Variants in LRRC4C observed in about 807,000 individuals in gnomAD.
LRRC4C encodes leucine rich repeat containing 4C.
Under a neutral mutation model 33.6 loss-of-function variants are expected in LRRC4C, and 5 were observed. That is an observed-to-expected ratio of 0.15 (90% CI 0.08 to 0.31). The LOEUF is 0.31. Ranked by LOEUF, LRRC4C falls within the 10% of genes least tolerant of loss-of-function variation. The probability of loss-of-function intolerance (pLI) is 1.00; values close to 1 mark genes in which losing one functional copy is unlikely to be tolerated. For missense variants in LRRC4C, 560 were observed against 796.7 expected (o/e 0.70, Z 3.58); for synonymous variants, 329 against 302.0 (o/e 1.09, Z -0.93).
At chr11:40,654,447 G>T (rs1388710601) in intron 2 of LRRC4C, among the ~76,000 whole-genome samples, 1 of 152,166 alleles carries the variant, frequency 6.6e-6, no homozygotes, top group East Asian at 1.9e-4. Context: ...GCTCATTTTG[G>T]AAGTTTAAGG....
At chr11:40,218,619 T>C (rs1322671516) in intron 5 of LRRC4C, among the ~76,000 whole-genome samples, 4 of 139,962 alleles carry the variant, frequency 2.9e-5, no homozygotes, top group African/African-American at 1.1e-4. Flanking sequence ...TGTATGTATG[T>C]ATGTATGTAT....
chr11:41,013,003 C>T (rs1329887330), intron 1 of LRRC4C, among the ~76,000 whole-genome samples: 1 of 152,078 alleles, frequency 6.6e-6, no homozygotes, highest in African/African-American at 2.4e-5. Context: ...GGATAGTTCA[C>T]CCATATTTCT....
At chr11:40,718,660 T>C (rs976015284) in intron 2 of LRRC4C, among the ~76,000 whole-genome samples, 3 of 152,206 alleles carry the variant, frequency 2.0e-5, no homozygotes, top group Non-Finnish European at 4.4e-5. Context: ...TAGGTTATTT[T>C]ATTATTGAAC....
In LRRC4C at chr11:40,243,842, C is replaced by T. The variant is rs138444019; in HGVS notation, c.-175-2244G>A. Among the ~76,000 whole-genome samples, 516 of 150,152 alleles carry T rather than the reference C, an allele frequency of 3.4e-3. 3 individuals carry two copies. Among genetic ancestry groups the T allele is most frequent in the Non-Finnish European group, 5.6e-3 (379 of 67,674 alleles). Reference sequence around the variant, plus strand: ...TAGCTGGGATTATAGGCTCCTGCCACCACACCTGGGTATTTTTTTTTTTTT... The same window carrying T: ...TAGCTGGGATTATAGGCTCCTGCCATCACACCTGGGTATTTTTTTTTTTTT... On this transcript the variant is annotated intron_variant, in intron 4 of 6. Coordinates refer to ENST00000528697, the MANE Select transcript of LRRC4C (RefSeq NM_001258419.2).
chr11:40,911,670 C>T (rs1384512106), intron 2 of LRRC4C, among the ~76,000 whole-genome samples: 1 of 152,182 alleles, frequency 6.6e-6, no homozygotes, highest in Non-Finnish European at 1.5e-5. Context: ...CGGCTCCTCA[C>T]CAGCAATGGA....
At chr11:41,157,015 C>T (rs1944262065) in intron 1 of LRRC4C, among the ~76,000 whole-genome samples, 1 of 152,088 alleles carries the variant, frequency 6.6e-6, no homozygotes, top group African/African-American at 2.4e-5. Flanking sequence ...GCTCTTCTGC[C>T]ATGTGAAGAA....
Position 40,678,019 on chromosome 11 carries a change from C to G in LRRC4C, c.-406-29741G>C, listed in dbSNP as rs533445626. 4.6e-5 allele frequency among the ~76,000 whole-genome samples: 7 copies of G among 152,106 alleles called. No individual in the cohort carries two copies. The South Asian group carries it at 6.2e-4, about 14-fold the overall frequency. On this transcript the variant is annotated intron_variant, in intron 2 of 6. Coordinates refer to ENST00000528697, the MANE Select transcript of LRRC4C (RefSeq NM_001258419.2). ...GCTGCCATAGTAACCTTAAGAGTAC[C>G]AATGTCTTCCTTCCTTTATCTGAGA...
At position 40,590,478 on chromosome 11, in the gene LRRC4C, C is replaced by T. The variant is rs377209656; in HGVS notation, c.-270+57664G>A. ...CGTCTGAAGCCTTCTTCTCTCAGCT[C>T]GTCAAAGTCATTCTCCGTCCAGCTT... On this transcript the variant is annotated intron_variant, in intron 3 of 6. Coordinates refer to ENST00000528697, the MANE Select transcript of LRRC4C (RefSeq NM_001258419.2). Among the ~76,000 whole-genome samples the T allele has an allele frequency of 3.8e-4, 58 of 152,044 alleles. No individual in the cohort carries two copies. In the East Asian group the frequency reaches 6.6e-3, roughly 17 times the overall value.
intron 1 of LRRC4C, among the ~76,000 whole-genome samples, chr11:41,348,699 A>C (rs1951877556): frequency 6.6e-6 from 1 of 152,114 alleles, no homozygotes; most frequent in African/African-American, 2.4e-5. Context: ...CTAAAAGGGA[A>C]GAAAGCTGGA....
chr11:41,226,139 C>G (rs1947523947), intron 1 of LRRC4C, among the ~76,000 whole-genome samples: 1 of 152,078 alleles, frequency 6.6e-6, no homozygotes, highest in South Asian at 2.1e-4. Context: ...AATGTGGAGT[C>G]TTGGTTCCTG....
chr11:40,863,867 G>T lies in LRRC4C; in HGVS notation c.-407+69768C>A, dbSNP rs1438778269. 3.3e-5 allele frequency among the ~76,000 whole-genome samples: 5 copies of T among 152,070 alleles called. No homozygotes were observed. The East Asian group carries it at 9.7e-4, about 29-fold the overall frequency. On this transcript the variant is annotated intron_variant, in intron 2 of 6. Coordinates refer to ENST00000528697, the MANE Select transcript of LRRC4C (RefSeq NM_001258419.2). ...TTTTTGCTTAACTTATTTAAGTTGT[G>T]TTCATGTCACCTGTAAAGAAAATAT...
intron 1 of LRRC4C, among the ~76,000 whole-genome samples, chr11:41,111,439 C>T (rs547107742): frequency 1.2e-4 from 18 of 152,044 alleles, no homozygotes; most frequent in Non-Finnish European, 2.5e-4. Flanking sequence ...CCGCTCTGTA[C>T]TTCCACTTCC....
At chr11:41,050,031 A>T (rs968145253) in intron 1 of LRRC4C, among the ~76,000 whole-genome samples, 3 of 152,218 alleles carry the variant, frequency 2.0e-5, no homozygotes, top group Non-Finnish European at 4.4e-5. Flanking sequence ...GGTAAATAGT[A>T]TGATATAGGC....
At chr11:40,763,064 T>TATATATATTTATACACACAC (rs1949294887) in intron 2 of LRRC4C, among the ~76,000 whole-genome samples, 2 of 148,968 alleles carry the variant, frequency 1.3e-5, no homozygotes, top group Non-Finnish European at 3.0e-5. Context: ...TATATATATG[T>TATATATATTTATACACACAC]ATATATATGT....
At chr11:40,426,804 G>A (rs1458520040) in intron 3 of LRRC4C, among the ~76,000 whole-genome samples, 1 of 152,226 alleles carries the variant, frequency 6.6e-6, no homozygotes, top group Non-Finnish European at 1.5e-5. Flanking sequence ...ACACATATAA[G>A]GAATGTTTTA....
intron 4 of LRRC4C, 127 bp downstream of exon 4, chr11:40,319,501 A>C (rs1945736945): frequency 6.6e-6 from 1 of 152,210 alleles, no homozygotes; most frequent in African/African-American, 2.4e-5. Context: ...CTGCATCATT[A>C]ATAAAAGCAA....
intron 2 of LRRC4C, among the ~76,000 whole-genome samples, chr11:40,838,546 G>T (rs113343001): frequency 2.0e-5 from 3 of 152,022 alleles, no homozygotes; most frequent in South Asian, 4.1e-4. Flanking sequence ...TACTTTCTGT[G>T]TACTTGCTAT....
intron 1 of LRRC4C, among the ~76,000 whole-genome samples, chr11:41,334,558 C>G (rs1317335609): frequency 6.6e-6 from 1 of 152,032 alleles, no homozygotes; most frequent in East Asian, 1.9e-4. Context: ...AGAGGCCAGG[C>G]ATGGTGGCTC....
At chr11:41,346,875 A>T (rs1951820525) in intron 1 of LRRC4C, among the ~76,000 whole-genome samples, 1 of 152,234 alleles carries the variant, frequency 6.6e-6, no homozygotes, top group Non-Finnish European at 1.5e-5. Flanking sequence ...GTGGGCTAAA[A>T]GTTCACAGTA....
Sources: gnomAD v4.1 joint callset for allele counts (sites outside exome capture counted in the v4.1 genomes callset) on GRCh38, gnomAD v4.1.1 for gene constraint, MANE v1.5 for transcripts, NCBI Gene and HGNC (gene_info 2026-07-23, HGNC 2026-07-21) for gene names.